ERGIC1: variants seen among roughly 807,000 people sequenced by gnomAD.
ERGIC1 encodes endoplasmic reticulum-Golgi intermediate compartment protein 1.
ERGIC1 carries 19 observed loss-of-function variants against 38.3 expected under a neutral mutation model. The observed-to-expected ratio is 0.50, with a 90% CI of 0.35 to 0.73. The LOEUF is 0.73. Ranked by LOEUF, ERGIC1 falls within the 30% of genes least tolerant of loss-of-function variation. ERGIC1 has a pLI of 0.01. For synonymous variants in ERGIC1, 124 were observed against 157.6 expected, an observed-to-expected ratio of 0.79 and a Z score of 1.60; for missense variants, 294 against 389.2, an observed-to-expected ratio of 0.76 and a Z score of 2.06.
chr5:172,894,132 C>CTTTTTTTTTT (rs781661227), intron 2 of ERGIC1, among the ~76,000 whole-genome samples: 2 of 10,488 alleles, frequency 1.9e-4, no homozygotes, highest in African/African-American at 3.5e-4. Flanking sequence ...GCTGATGATA[C>CTTTTTTTTTT]TTTTTTTTTT....
chr5:172,858,152 G>A (rs1185329101), intron 1 of ERGIC1, among the ~76,000 whole-genome samples: 1 of 152,222 alleles, frequency 6.6e-6, no homozygotes, highest in Non-Finnish European at 1.5e-5. Flanking sequence ...AGGTGCTTAG[G>A]GTTCACTGGG....
At chr5:172,880,558 T>C (rs1465917177) in intron 1 of ERGIC1, among the ~76,000 whole-genome samples, 2 of 152,148 alleles carry the variant, frequency 1.3e-5, no homozygotes. Context: ...ACTCCTGACC[T>C]CAAGTGACCC....
rs543665894 is a variant in ERGIC1 at position 172,896,534 on chromosome 5, G to A, written c.83-468G>A. Among the ~76,000 whole-genome samples, 41 of 152,308 alleles carry A rather than the reference G, an allele frequency of 2.7e-4. No individual in the cohort carries two copies. The South Asian group carries it at 8.3e-3, about 31-fold the overall frequency. ...GGCAGAAGGGAGTGGTGGGGCCTGT[G>A]GCAAACTCATGGGCTCCGACCCTCC... On this transcript the variant is annotated intron_variant, in intron 2 of 9. Transcript: ENST00000393784.
chr5:172,941,082 C>A (rs1455989618), intron 9 of ERGIC1, among the ~76,000 whole-genome samples: 2 of 152,174 alleles, frequency 1.3e-5, no homozygotes, highest in Non-Finnish European at 2.9e-5. Flanking sequence ...AGTTCAAGAC[C>A]AGCCTGGCCA....
At chr5:172,884,420 TTTG>T (rs1170943452) in intron 1 of ERGIC1, among the ~76,000 whole-genome samples, 1 of 152,008 alleles carries the variant, frequency 6.6e-6, no homozygotes, top group Non-Finnish European at 1.5e-5. Context: ...GTTGTTGTTT[TTTG>T]TTGTTGTTGT....
In ERGIC1 at chr5:172,951,015, T is replaced by C. The variant is rs1269179541; in HGVS notation, c.*199T>C. 3 of 505,212 alleles carry C rather than the reference T, an allele frequency of 5.9e-6. No individual in the cohort carries two copies. Among genetic ancestry groups the C allele is most frequent in the African/African-American group, 3.9e-5 (2 of 50,948 alleles). 31.3% of individuals were successfully genotyped at this position (505,212 alleles called of 1,614,324 possible). A position where few individuals can be genotyped will look rare whatever the true frequency, so the allele number is the denominator to read the frequency against. On this transcript the variant is annotated 3_prime_UTR_variant, in exon 10 of 10. Coordinates refer to ENST00000393784, the MANE Select transcript of ERGIC1 (RefSeq NM_001031711.3). ...GTGTTTCTTTTTAGACAAATTACAC[T>C]GCCTGAAGTTGCAGTTCCCCTTTCC...
At chr5:172,880,709 C>A (rs750623842) in intron 1 of ERGIC1, among the ~76,000 whole-genome samples, 1 of 152,222 alleles carries the variant, frequency 6.6e-6, no homozygotes, top group Non-Finnish European at 1.5e-5. Context: ...GCTTTCTCTT[C>A]TGTAAAGCGA....
intron 2 of ERGIC1, among the ~76,000 whole-genome samples, chr5:172,893,198 A>T (rs753179124): frequency 1.3e-5 from 2 of 152,130 alleles, no homozygotes; most frequent in Non-Finnish European, 2.9e-5. Context: ...CCCAGCCTGA[A>T]GTGCAATGGT....
At chr5:172,892,075 T>TTGTTTC (rs1561720710) in intron 2 of ERGIC1, among the ~76,000 whole-genome samples, 1 of 149,428 alleles carries the variant, frequency 6.7e-6, no homozygotes, top group African/African-American at 2.5e-5. Flanking sequence ...TTTTTTTTTT[T>TTGTTTC]TTTTTTTTTT....
chr5:172,863,888 G>C (rs1761783358), intron 1 of ERGIC1, among the ~76,000 whole-genome samples: 1 of 152,108 alleles, frequency 6.6e-6, no homozygotes, highest in African/African-American at 2.4e-5. Context: ...TCACAACCCA[G>C]TGTACAATAC....
rs371518774 is a variant in ERGIC1, at chr5:172,950,744, C to T, written c.801C>T (p.Ala267=). 1.1e-5 allele frequency: 18 copies of T among 1,613,048 alleles called. No homozygotes were observed. The highest frequency in any genetic ancestry group is 6.6e-5 in the South Asian group (6 of 90,944). Reference sequence around the variant, plus strand: ...TCATTGGCGGGACCTTCACCGTCGCCGGCATCCTGGACTCATGCATCTTCA... The same window carrying T: ...TCATTGGCGGGACCTTCACCGTCGCTGGCATCCTGGACTCATGCATCTTCA... ...CAIIGGTFTV[A]GILDSCIFTA... The change falls in exon 10 of 10, where the codon GCC becomes GCT. Residue 267 remains alanine, a synonymous_variant. Coordinates refer to ENST00000393784, the MANE Select transcript of ERGIC1 (RefSeq NM_001031711.3).
At chr5:172,925,235 C>T (rs1170967562) in intron 6 of ERGIC1, among the ~76,000 whole-genome samples, 4 of 150,922 alleles carry the variant, frequency 2.7e-5, no homozygotes, top group African/African-American at 9.8e-5. Flanking sequence ...AAGACTCCTC[C>T]CAAAAAAAGA....
At chr5:172,850,952 C>T (rs773727858) in intron 1 of ERGIC1, among the ~76,000 whole-genome samples, 11 of 152,096 alleles carry the variant, frequency 7.2e-5, no homozygotes, top group Non-Finnish European at 1.3e-4. Context: ...GTAATCCCAG[C>T]ACTTTGGGAG....
chr5:172,907,020 G>C (rs941442601), intron 3 of ERGIC1, among the ~76,000 whole-genome samples: 1 of 152,188 alleles, frequency 6.6e-6, no homozygotes, highest in Non-Finnish European at 1.5e-5. Flanking sequence ...ACAGCAGTGT[G>C]TCTGCATTCC....
At chr5:172,915,355 G>A (rs543998726) in intron 5 of ERGIC1, 30 of 459,954 alleles carry the variant, frequency 6.5e-5, no homozygotes, top group Admixed American at 2.1e-4. Flanking sequence ...GGCTGGTGGG[G>A]CTCCCATTCT....
chr5:172,915,026 G>GT (rs35941893), intron 5 of ERGIC1, 188 bp downstream of exon 5: 183,381 of 888,316 alleles, frequency 0.21, 20,608 homozygotes, highest in Middle Eastern at 0.23. Flanking sequence ...GCTCCCTGGG[G>GT]TTTTAAGCCC....
chr5:172,935,289 G>T lies in ERGIC1; in HGVS notation c.744G>T (p.Pro248=), dbSNP rs779916330. 6.2e-7 allele frequency: 1 copy of T among 1,613,976 alleles called. No individual in the cohort carries two copies. Among genetic ancestry groups the T allele is most frequent in the Non-Finnish European group, 8.5e-7 (1 of 1,180,032 alleles). The change falls in exon 9 of 10, where the codon CCG becomes CCT. Residue 248 remains proline, a synonymous_variant. Transcript: ENST00000393784. ...ITVKYTERRQ[P]LYRFITTICA... is the part of the protein sequence containing the mutation. ...TCAAGTACACAGAGAGACGGCAGCC[G>T]CTGTACAGATTCATCACCACGGTGA... is the stretch of plus-strand genomic sequence containing the variant.
chr5:172,915,525 A>G (rs2113412566), intron 5 of ERGIC1: 1 of 466,266 alleles, frequency 2.1e-6, no homozygotes, highest in East Asian at 7.0e-5. Context: ...CAGAACCAGG[A>G]GCTTCAGATC....
chr5:172,926,740 C>T lies in ERGIC1; in HGVS notation c.541+171C>T, dbSNP rs993925684. On this transcript the variant is annotated intron_variant, in intron 7 of 9. Coordinates refer to ENST00000393784, the MANE Select transcript of ERGIC1 (RefSeq NM_001031711.3). The surrounding 1 kb of genome is among the most constrained non-coding windows in gnomAD (Gnocchi z 5.2). ...ACCAGTGGGAAGGTGGACCCAGCCCCGTCCAGACCCAGACCCTGATGGAGA... is the reference window on the plus strand; with the variant it reads ...ACCAGTGGGAAGGTGGACCCAGCCCTGTCCAGACCCAGACCCTGATGGAGA... 6 of 684,200 alleles carry T rather than the reference C, an allele frequency of 8.8e-6. No homozygotes were observed. The highest frequency in any genetic ancestry group is 1.2e-5 in the Non-Finnish European group (5 of 401,134). 42.4% of individuals were successfully genotyped at this position (684,200 alleles called of 1,614,324 possible).
Sources: gnomAD v4.1 joint callset for allele counts (sites outside exome capture counted in the v4.1 genomes callset) on GRCh38, gnomAD v4.1.1 for gene constraint, Gnocchi (gnomAD v3.1) non-coding constraint, MANE v1.5 for transcripts, NCBI Gene and HGNC (gene_info 2026-07-23, HGNC 2026-07-21) for gene names.